ASPG: variants seen among roughly 807,000 people sequenced by gnomAD.
ASPG encodes the protein asparaginase.
Under a neutral mutation model 63.2 loss-of-function variants are expected in ASPG, and 53 were observed. The observed-to-expected ratio is 0.84, with a 90% CI of 0.67 to 1.05. ASPG has a LOEUF of 1.05. ASPG is among the 50% of genes least tolerant of loss of function. ASPG has a pLI of 0.00. For missense variants in ASPG, 741 were observed against 794.4 expected (o/e 0.93, Z 0.81); for synonymous variants, 370 against 355.0 (o/e 1.04, Z -0.48).
In ASPG at chr14:104,085,761, C is replaced by T. The variant is rs778943305; in HGVS notation, c.-10C>T. 1.1e-4 allele frequency: 169 copies of T among 1,572,434 alleles called. No homozygotes were observed. Among genetic ancestry groups the T allele is most frequent in the Non-Finnish European group, 1.4e-4 (164 of 1,167,914 alleles). On this transcript the variant is annotated 5_prime_UTR_variant, in exon 1 of 16. Transcript: ENST00000551177. ...ACACCCCCGTCCACTCCCGTGGTCC[C>T]CGGTCCGGCATGGCGCGCGCGGTGG...
chr14:104,087,159 C>T (rs961679958), intron 1 of ASPG, among the ~76,000 whole-genome samples: 2 of 152,200 alleles, frequency 1.3e-5, no homozygotes, highest in African/African-American at 2.4e-5. Flanking sequence ...TAGTGGGGCT[C>T]GTCCACGAGG....
chr14:104,106,368 T>C (rs981212602), intron 10 of ASPG, among the ~76,000 whole-genome samples: 1 of 152,114 alleles, frequency 6.6e-6, no homozygotes, highest in Non-Finnish European at 1.5e-5. Flanking sequence ...TGGGGGCAGG[T>C]GGCTCTTCTG....
intron 1 of ASPG, among the ~76,000 whole-genome samples, chr14:104,088,007 C>G (rs894989810): frequency 2.0e-5 from 3 of 152,202 alleles, no homozygotes; most frequent in Admixed American, 2.0e-4. Flanking sequence ...GCAGCCCGTC[C>G]TCGTGTGGCT....
chr14:104,099,103 C>G, intron 6 of ASPG, 124 bp downstream of exon 6: 1 of 1,432,674 alleles, frequency 7.0e-7, no homozygotes. Context: ...TTCTGACTTG[C>G]CCTGGCTTGG....
intron 1 of ASPG, among the ~76,000 whole-genome samples, chr14:104,086,061 G>A (rs541487584): frequency 6.6e-6 from 1 of 152,114 alleles, no homozygotes; most frequent in Non-Finnish European, 1.5e-5. Flanking sequence ...GTGGGTTCTC[G>A]CCGTCGCGGT....
chr14:104,095,050 G>C (rs1472565621), intron 3 of ASPG, among the ~76,000 whole-genome samples: 1 of 152,320 alleles, frequency 6.6e-6, no homozygotes, highest in Middle Eastern at 3.4e-3. Flanking sequence ...TCGGTGTCCT[G>C]CCCGGCCGCC....
intron 5 of ASPG, among the ~76,000 whole-genome samples, chr14:104,097,950 AGAGATGCG>A (rs2036682225): frequency 1.6e-5 from 2 of 128,662 alleles, no homozygotes; most frequent in South Asian, 3.0e-4. Context: ...GTTCTGTGTT[AGAGATGCG>A]TATGGAGGTT....
In ASPG at chr14:104,106,873, G is replaced by A. The variant is rs151283874; in HGVS notation, c.1248G>A (p.Ala416=). The stretch of plus-strand genomic sequence containing the variant: ...CTGCCCACGCCGGTGACGTGGAGGC[G>A]CTGCAGGCGCTTGTGGAGCTGGTGA... ...CAAAHAGDVE[A]LQALVELGSD... Residue 416 remains alanine (A), a synonymous_variant, in exon 11 of 16, where the codon GCG becomes GCA. Coordinates refer to ENST00000551177, the MANE Select transcript of ASPG (RefSeq NM_001080464.3). The A allele has an allele frequency of 3.8e-5, 61 of 1,586,106 alleles. No individual in the cohort carries two copies. The highest frequency in any genetic ancestry group is 2.5e-4 in the East Asian group (11 of 43,574).
Position 104,115,309 on chromosome 14 carries a change from G to C in ASPG, c.*2765G>C, listed in dbSNP as rs376255864. 2.0e-5 allele frequency: 3 copies of C among 152,134 alleles called. No homozygotes were observed. The highest frequency in any genetic ancestry group is 7.2e-5 in the African/African-American group (3 of 41,400). The allele number at this position is 152,134 out of a possible 1,614,324, so 9.4% of individuals were successfully genotyped here. Reference sequence around the variant, plus strand: ...TGCTTGTACTTGTCACCTTCTCCCCGTCCTCTCTCGTCAGTTCCCTTGGAT... The same window carrying C: ...TGCTTGTACTTGTCACCTTCTCCCCCTCCTCTCTCGTCAGTTCCCTTGGAT... On this transcript the variant is annotated 3_prime_UTR_variant, in exon 16 of 16. Transcript: ENST00000551177.
At chr14:104,106,052 T>A (rs1282460841) in intron 10 of ASPG, among the ~76,000 whole-genome samples, 2 of 152,320 alleles carry the variant, frequency 1.3e-5, no homozygotes, top group East Asian at 3.9e-4. Context: ...AGTGCCTCGG[T>A]TTCCCCCTAC....
At chr14:104,108,546 G>T in intron 12 of ASPG, 1 of 985,454 alleles carries the variant, frequency 1.0e-6, no homozygotes, top group Non-Finnish European at 1.2e-6. Flanking sequence ...TAAATGGGGT[G>T]ATGGGGGGAT....
chr14:104,106,461 C>T (rs1177859650), intron 10 of ASPG, among the ~76,000 whole-genome samples: 1 of 152,174 alleles, frequency 6.6e-6, no homozygotes, highest in Non-Finnish European at 1.5e-5. Context: ...ATGTGGGTGA[C>T]CATTCCGTCC....
rs573408320 is a variant in ASPG, at chr14:104,110,278, G to A, written c.1520+963G>A. On this transcript the variant is annotated intron_variant, in intron 13 of 15. Transcript: ENST00000551177. The surrounding 1 kb of genome is among the most constrained non-coding windows in gnomAD (Gnocchi z 4.7). Reference sequence around the variant, plus strand: ...TCGGCTCACTGGCTGGGAGGGGGTGGGTGCAGGCGCCTGCCCAGCAGGAGG... The same window carrying A: ...TCGGCTCACTGGCTGGGAGGGGGTGAGTGCAGGCGCCTGCCCAGCAGGAGG... The A allele has an allele frequency of 2.0e-6, 2 of 985,230 alleles. No individual in the cohort carries two copies. The highest frequency in any genetic ancestry group is 2.4e-6 in the Non-Finnish European group (2 of 829,844). 61.0% of individuals were successfully genotyped at this position (985,230 alleles called of 1,614,324 possible).
intron 13 of ASPG, 197 bp from the exon 14 acceptor site, chr14:104,111,305 C>T (rs2037374342): frequency 2.7e-6 from 2 of 737,290 alleles, no homozygotes; most frequent in South Asian, 1.2e-4. Context: ...AGTCGCAGTC[C>T]CACCCACTGG....
Position 104,109,816 on chromosome 14 carries a change from C to T in ASPG, c.1520+501C>T, listed in dbSNP as rs2037310679. ...CTGGGATAAACTGACCTAGGCCCCG[C>T]CTCCACCTGCTGGCCGCATGGCACC... On this transcript the variant is annotated intron_variant, in intron 13 of 15. Coordinates refer to ENST00000551177, the MANE Select transcript of ASPG (RefSeq NM_001080464.3). The surrounding 1 kb of genome is among the most constrained non-coding windows in gnomAD (Gnocchi z 4.8). 6.6e-6 allele frequency among the ~76,000 whole-genome samples: 1 copy of T among 152,054 alleles called. No homozygotes were observed. Among genetic ancestry groups the T allele is most frequent in the Non-Finnish European group, 1.5e-5 (1 of 68,006 alleles).
chr14:104,104,458 C>T lies in ASPG; in HGVS notation c.908C>T (p.Ala303Val). 1 of 1,612,486 alleles carries T rather than the reference C, an allele frequency of 6.2e-7. No homozygotes were observed. The highest frequency in any genetic ancestry group is 1.7e-5 in the Admixed American group (1 of 59,998). ...IVNCTHCLQG[A>V]VTTDYAAGMA... ...AACTGTACCCACTGCCTCCAGGGGGCTGTGACCACAGACTATGCAGCTGGC... is the reference window on the plus strand; with the variant it reads ...AACTGTACCCACTGCCTCCAGGGGGTTGTGACCACAGACTATGCAGCTGGC... The change falls in exon 8 of 16, where the codon GCT (alanine) becomes GTT (valine). Residue 303 changes from alanine (A) to valine (V), a missense_variant. Ala to Val is a moderately conservative substitution (Grantham distance 64). Transcript: ENST00000551177.
intron 3 of ASPG, among the ~76,000 whole-genome samples, chr14:104,094,379 G>C (rs2036503479): frequency 6.6e-6 from 1 of 152,048 alleles, no homozygotes; most frequent in Admixed American, 6.5e-5. Context: ...TGGAGTCTTA[G>C]TGGACCACAG....
chr14:104,101,770 C>T (rs950249503), intron 6 of ASPG, among the ~76,000 whole-genome samples: 7 of 152,186 alleles, frequency 4.6e-5, no homozygotes, highest in African/African-American at 7.2e-5. Context: ...CCCTCCCAGA[C>T]GTGACCCAGC....
chr14:104,104,472 T>C lies in ASPG; in HGVS notation c.922T>C (p.Tyr308His), dbSNP rs992416101. Residue 308 changes from tyrosine to histidine, a missense_variant, in exon 8 of 16, where the codon TAT (tyrosine) becomes CAT (histidine). By Grantham distance (83) the Tyr-to-His change is moderately conservative (BLOSUM62 2). Transcript: ENST00000551177. ...CCTCCAGGGGGCTGTGACCACAGAC[T>C]ATGCAGCTGGCATGGTAGTGCCGGG... ...HCLQGAVTTDYAAGMAMAGAG... is the reference protein window; with the variant it reads ...HCLQGAVTTDHAAGMAMAGAG... The C allele has an allele frequency of 1.9e-5, 30 of 1,612,060 alleles. No homozygotes were observed. The highest frequency in any genetic ancestry group is 4.0e-5 in the African/African-American group (3 of 74,924).
Sources: gnomAD v4.1 joint callset for allele counts (sites outside exome capture counted in the v4.1 genomes callset) on GRCh38, gnomAD v4.1.1 for gene constraint, Gnocchi (gnomAD v3.1) non-coding constraint, MANE v1.5 for transcripts, NCBI Gene and HGNC (gene_info 2026-07-23, HGNC 2026-07-21) for gene names.